The following UBE2E2 variants were observed in gnomAD, a reference collection of about 807,000 sequenced individuals.
UBE2E2 encodes ubiquitin conjugating enzyme E2 E2.
UBE2E2 carries 6 observed loss-of-function variants against 24.7 expected under a neutral mutation model. That is an observed-to-expected ratio of 0.24 (90% CI 0.13 to 0.48). UBE2E2 has a LOEUF of 0.48. UBE2E2 is among the 20% of genes least tolerant of loss of function. The pLI is 0.99. For synonymous variants in UBE2E2, 104 were observed against 83.6 expected, an observed-to-expected ratio of 1.24 and a Z score of -1.33; for missense variants, 169 against 245.0, an observed-to-expected ratio of 0.69 and a Z score of 2.07.
chr3:23,517,070 G>C lies in UBE2E2; in HGVS notation c.361-15484G>C, dbSNP rs553311721. On this transcript the variant is annotated intron_variant, in intron 4 of 5. Transcript: ENST00000396703. Reference sequence around the variant, plus strand: ...GAAGAAAGTGCATTCTTCTAATATTGTCAGAACAAAAGTCCATGAATCTTC... The same window carrying C: ...GAAGAAAGTGCATTCTTCTAATATTCTCAGAACAAAAGTCCATGAATCTTC... 2.6e-3 allele frequency among the ~76,000 whole-genome samples: 399 copies of C among 151,934 alleles called. 3 individuals are homozygous for C. The highest frequency in any genetic ancestry group is 7.9e-3 in the Admixed American group (121 of 15,242).
chr3:23,333,102 A>G (rs1271887777), intron 3 of UBE2E2, among the ~76,000 whole-genome samples: 3 of 152,184 alleles, frequency 2.0e-5, no homozygotes, highest in Non-Finnish European at 4.4e-5. Flanking sequence ...TTAATAGATC[A>G]TAATTTCAGC....
intron 1 of UBE2E2, among the ~76,000 whole-genome samples, chr3:23,208,473 T>C (rs866293670): frequency 5.3e-5 from 8 of 152,210 alleles, no homozygotes; most frequent in East Asian, 1.9e-4. Context: ...GCTATGAACA[T>C]TTCATGTATA....
chr3:23,582,894 T>TGG (rs1553622746), intron 5 of UBE2E2, among the ~76,000 whole-genome samples: 65 of 112,968 alleles, frequency 5.8e-4, no homozygotes, highest in Admixed American at 1.1e-3. Context: ...TGTGTGTGTG[T>TGG]TGTGTGTTTG....
Position 23,571,105 on chromosome 3 carries a change from G to T in UBE2E2, c.509-18629G>T, listed in dbSNP as rs116528902. On this transcript the variant is annotated intron_variant, in intron 5 of 5. Coordinates refer to ENST00000396703, the MANE Select transcript of UBE2E2 (RefSeq NM_152653.4). ...AGAGCATAGAGGGTAATAGTAAACTGATTAAGAAGTGATGAGTTTTTAAGT... is the reference window on the plus strand; with the variant it reads ...AGAGCATAGAGGGTAATAGTAAACTTATTAAGAAGTGATGAGTTTTTAAGT... Among the ~76,000 whole-genome samples, 1,324 of 151,786 alleles carry T rather than the reference G, an allele frequency of 8.7e-3. 29 individuals carry two copies. The highest frequency in any genetic ancestry group is 0.031 in the African/African-American group (1,283 of 41,392).
intron 5 of UBE2E2, among the ~76,000 whole-genome samples, chr3:23,578,471 G>A (rs368029254): frequency 4.6e-5 from 7 of 152,078 alleles, no homozygotes; most frequent in Admixed American, 2.6e-4. Context: ...ATTAAGATAC[G>A]TGCACACATA....
intron 3 of UBE2E2, among the ~76,000 whole-genome samples, chr3:23,334,951 A>G (rs980691086): frequency 2.6e-5 from 4 of 152,218 alleles, no homozygotes; most frequent in Non-Finnish European, 4.4e-5. Flanking sequence ...TTATGATGCA[A>G]TTGAAATTTC....
chr3:23,458,133 A>G lies in UBE2E2; in HGVS notation c.228-41475A>G, dbSNP rs1388990068. On this transcript the variant is annotated intron_variant, in intron 3 of 5. Transcript: ENST00000396703. ...CTTCTTCATAGGCTTCATCATTGCTAGCTTTTGATTTAAAATGAGAGAGAT... is the reference window on the plus strand; with the variant it reads ...CTTCTTCATAGGCTTCATCATTGCTGGCTTTTGATTTAAAATGAGAGAGAT... 1.4e-4 allele frequency among the ~76,000 whole-genome samples: 21 copies of G among 152,134 alleles called. No individual in the cohort carries two copies. The South Asian group carries it at 3.7e-3, about 27-fold the overall frequency.
At chr3:23,502,362 A>G (rs1279711799) in intron 4 of UBE2E2, among the ~76,000 whole-genome samples, 2 of 152,114 alleles carry the variant, frequency 1.3e-5, no homozygotes, top group African/African-American at 4.8e-5. Context: ...TTATAAATAC[A>G]TCTGATGGGC....
intron 3 of UBE2E2, among the ~76,000 whole-genome samples, chr3:23,298,221 T>C (rs1698968247): frequency 6.6e-6 from 1 of 152,222 alleles, no homozygotes; most frequent in Admixed American, 6.5e-5. Context: ...TATACAATCA[T>C]GTCGTCTGCA....
At chr3:23,303,097 C>T (rs1699146007) in intron 3 of UBE2E2, among the ~76,000 whole-genome samples, 1 of 152,106 alleles carries the variant, frequency 6.6e-6, no homozygotes, top group Non-Finnish European at 1.5e-5. Context: ...ATTGGATTCT[C>T]ATAGGAGCGC....
chr3:23,298,004 T>A (rs1447877945), intron 3 of UBE2E2, among the ~76,000 whole-genome samples: 4 of 151,720 alleles, frequency 2.6e-5, no homozygotes, highest in Admixed American at 2.0e-4. Context: ...GTCCTTCACA[T>A]CCCTTGTAAG....
At chr3:23,501,643 T>C (rs1283244201) in intron 4 of UBE2E2, among the ~76,000 whole-genome samples, 1 of 152,076 alleles carries the variant, frequency 6.6e-6, no homozygotes, top group Non-Finnish European at 1.5e-5. Context: ...ATGGTGTGGG[T>C]AGGGGTTGGA....
At position 23,372,414 on chromosome 3, in the gene UBE2E2, A is replaced by C. The variant is rs533112804; in HGVS notation, c.228-127194A>C. ...TAACTGTCATGAGCTGAAATTTCCC[A>C]ACACTGACCTCTGTTTCAGATTCCT... On this transcript the variant is annotated intron_variant, in intron 3 of 5. Coordinates refer to ENST00000396703, the MANE Select transcript of UBE2E2 (RefSeq NM_152653.4). Among the ~76,000 whole-genome samples, 4 of 152,348 alleles carry C rather than the reference A, an allele frequency of 2.6e-5. No homozygotes were observed. The South Asian group carries it at 8.3e-4, about 32-fold the overall frequency.
At chr3:23,339,710 AT>A (rs561240215) in intron 3 of UBE2E2, among the ~76,000 whole-genome samples, 4 of 151,404 alleles carry the variant, frequency 2.6e-5, no homozygotes, top group African/African-American at 7.3e-5. Context: ...TCACTTGAGG[AT>A]TTTTTTTTAA....
At chr3:23,270,762 G>T (rs933134289) in intron 3 of UBE2E2, among the ~76,000 whole-genome samples, 6 of 152,220 alleles carry the variant, frequency 3.9e-5, no homozygotes, top group Admixed American at 3.9e-4. Flanking sequence ...TCTGATTTGT[G>T]TGGATTTTTG....
chr3:23,467,258 T>G (rs967525186), intron 3 of UBE2E2, among the ~76,000 whole-genome samples: 1 of 152,168 alleles, frequency 6.6e-6, no homozygotes, highest in African/African-American at 2.4e-5. Flanking sequence ...TTTCTTGACT[T>G]TTGATCTTTT....
chr3:23,346,778 A>G (rs1353206617), intron 3 of UBE2E2, among the ~76,000 whole-genome samples: 6 of 152,214 alleles, frequency 3.9e-5, no homozygotes, highest in Non-Finnish European at 1.5e-5. Context: ...ACAACTATGG[A>G]AAAACACACT....
At chr3:23,242,660 CA>C (rs1427028813) in intron 3 of UBE2E2, among the ~76,000 whole-genome samples, 1 of 152,040 alleles carries the variant, frequency 6.6e-6, no homozygotes, top group Non-Finnish European at 1.5e-5. Context: ...TGAAGGAGTA[CA>C]TTCTACTAAC....
intron 3 of UBE2E2, among the ~76,000 whole-genome samples, chr3:23,360,411 A>G (rs1696081825): frequency 6.6e-6 from 1 of 152,242 alleles, no homozygotes. Context: ...GTGGATACAA[A>G]GATGAATAAA....
Sources: allele counts gnomAD v4.1 joint callset (sites outside exome capture counted in the v4.1 genomes callset), GRCh38; gene constraint gnomAD v4.1.1; transcripts MANE v1.5; gene names NCBI Gene and HGNC (gene_info 2026-07-23, HGNC 2026-07-21).